Variants in CACNA1E observed in about 807,000 individuals in gnomAD.
The protein encoded by CACNA1E is calcium voltage-gated channel subunit alpha1 E.
CACNA1E carries 40 observed loss-of-function variants against 259.2 expected under a neutral mutation model. The observed-to-expected ratio is 0.15, with a 90% CI of 0.12 to 0.20. CACNA1E has a LOEUF of 0.20. CACNA1E is among the 10% of genes least tolerant of loss of function. The pLI, the probability that CACNA1E is intolerant of heterozygous loss-of-function variation, is 1.00. For missense variants in CACNA1E, 1,874 were observed against 3,040.1 expected (o/e 0.62, Z 9.02); for synonymous variants, 1,104 against 1,138.5 (o/e 0.97, Z 0.61).
intron 3 of CACNA1E, among the ~76,000 whole-genome samples, chr1:181,530,935 G>A (rs1307582482): frequency 6.6e-6 from 1 of 152,196 alleles, no homozygotes; most frequent in East Asian, 1.9e-4. Flanking sequence ...CAGGCTTATG[G>A]TTTATGATCT....
At chr1:181,795,416 G>A (rs1661700301) in intron 46 of CACNA1E, among the ~76,000 whole-genome samples, 1 of 150,906 alleles carries the variant, frequency 6.6e-6, no homozygotes, top group South Asian at 2.1e-4. Context: ...CCTAAACAGT[G>A]CTACCTGGAG....
At chr1:181,416,710 TC>T (rs1658299791) in intron 2 of CACNA1E, among the ~76,000 whole-genome samples, 1 of 152,132 alleles carries the variant, frequency 6.6e-6, no homozygotes, top group South Asian at 2.1e-4. Flanking sequence ...AGCAATTTGC[TC>T]CTCACTATTG....
upstream of CACNA1E, among the ~76,000 whole-genome samples, chr1:181,480,059 T>C (rs1007586300): frequency 1.0e-3 from 159 of 152,260 alleles, no homozygotes; most frequent in Non-Finnish European, 1.3e-3. Context: ...GGCAGGTGGA[T>C]TGCTTGAGCC....
chr1:181,700,781 G>C (rs1318573793), intron 7 of CACNA1E, among the ~76,000 whole-genome samples: 1 of 152,192 alleles, frequency 6.6e-6, no homozygotes, highest in Non-Finnish European at 1.5e-5. Context: ...TCCCTGGAAA[G>C]GACAGCGAGT....
rs375018770 is a variant in CACNA1E, at chr1:181,733,455, G to A, written c.2967G>A (p.Val989=). 5.3e-4 allele frequency: 819 copies of A among 1,545,262 alleles called. 2 individuals carry two copies. The highest frequency in any genetic ancestry group is 3.8e-4 in the Non-Finnish European group (440 of 1,144,844). Residue 989 remains valine (V), a synonymous_variant, in exon 21 of 48, where the codon GTG becomes GTA. Coordinates refer to ENST00000367573, the MANE Select transcript of CACNA1E (RefSeq NM_001205293.3). ...TTCACAGGACCAACAGTCTGATGGT[G>A]TCCAGAGGCTCCGGGCTGGCAGGAG... ...QDLRRTNSLM[V]SRGSGLAGGL...
At chr1:181,387,525 A>C (rs6702540) in intron 1 of CACNA1E, among the ~76,000 whole-genome samples, 2 of 152,088 alleles carry the variant, frequency 1.3e-5, no homozygotes, top group Non-Finnish European at 2.9e-5. Context: ...AGCCAAAGGT[A>C]TATGAAGCTC....
intron 3 of CACNA1E, among the ~76,000 whole-genome samples, chr1:181,563,004 A>G (rs1290356344): frequency 1.3e-5 from 2 of 152,192 alleles, no homozygotes; most frequent in Non-Finnish European, 2.9e-5. Context: ...ATGGTATGGG[A>G]TGTGATATGA....
chr1:181,412,323 G>A (rs1425988724), intron 1 of CACNA1E, among the ~76,000 whole-genome samples: 3 of 152,222 alleles, frequency 2.0e-5, no homozygotes, highest in Admixed American at 2.0e-4. Flanking sequence ...TGTAATCCTA[G>A]CACTTTGGGA....
At chr1:181,456,765 C>T (rs1661485868) in intron 2 of CACNA1E, among the ~76,000 whole-genome samples, 2 of 152,204 alleles carry the variant, frequency 1.3e-5, no homozygotes, top group Non-Finnish European at 2.9e-5. Context: ...CCCTCTCTCT[C>T]TCACTCTGTC....
chr1:181,467,627 C>T (rs1662233945), intron 2 of CACNA1E, among the ~76,000 whole-genome samples: 1 of 152,038 alleles, frequency 6.6e-6, no homozygotes, highest in Non-Finnish European at 1.5e-5. Flanking sequence ...ATGAGACCAT[C>T]AGAAAAATAG....
chr1:181,500,637 A>G (rs1288406642), intron 1 of CACNA1E, among the ~76,000 whole-genome samples: 1 of 152,232 alleles, frequency 6.6e-6, no homozygotes, highest in Non-Finnish European at 1.5e-5. Context: ...ATAATAACTT[A>G]GAAAACATCT....
chr1:181,400,896 C>A (rs565832022), intron 1 of CACNA1E, among the ~76,000 whole-genome samples: 1 of 152,162 alleles, frequency 6.6e-6, no homozygotes, highest in Non-Finnish European at 1.5e-5. Context: ...CCTGCCTCTT[C>A]CCCTGCTCTC....
Position 181,393,258 on chromosome 1 carries a change from G to A in CACNA1E, c.-14-19875G>A, listed in dbSNP as rs145818504. ...GGAAAGTTGATAAACCTGTGCCTCA[G>A]TTTTCCTCATCTGTAAGATGGGGTT... On this transcript the variant is annotated intron_variant, in intron 1 of 11. Transcript: ENST00000524607. Among the ~76,000 whole-genome samples the A allele has an allele frequency of 4.2e-3, 645 of 152,286 alleles. 4 individuals are homozygous for A. Among genetic ancestry groups the A allele is most frequent in the African/African-American group, 0.015 (629 of 41,554 alleles).
intron 3 of CACNA1E, among the ~76,000 whole-genome samples, chr1:181,564,461 C>A (rs1409523948): frequency 6.6e-6 from 1 of 152,176 alleles, no homozygotes; most frequent in Non-Finnish European, 1.5e-5. Flanking sequence ...CTTCAGGATC[C>A]ATTTCTGATT....
intron 1 of CACNA1E, among the ~76,000 whole-genome samples, chr1:181,385,104 A>G (rs1434353593): frequency 1.3e-5 from 2 of 152,066 alleles, no homozygotes; most frequent in African/African-American, 2.4e-5. Context: ...GTCTCTGGGG[A>G]CAGGGTGAGT....
At chr1:181,492,453 G>A (rs1312403971) in intron 1 of CACNA1E, among the ~76,000 whole-genome samples, 1 of 152,212 alleles carries the variant, frequency 6.6e-6, no homozygotes, top group Non-Finnish European at 1.5e-5. Context: ...AGAGGAATTG[G>A]TATGTTGTTC....
chr1:181,457,319 G>A (rs746653184), intron 2 of CACNA1E, among the ~76,000 whole-genome samples: 3 of 152,194 alleles, frequency 2.0e-5, no homozygotes, highest in African/African-American at 4.8e-5. Flanking sequence ...TACCATCCCC[G>A]TGGGGGGTTA....
intron 5 of CACNA1E, 76 bp from the exon 6 acceptor site, chr1:181,580,519 A>T: frequency 7.0e-7 from 1 of 1,432,876 alleles, no homozygotes; most frequent in Non-Finnish European, 9.8e-7. Flanking sequence ...TTGCTTGCCT[A>T]TGGCTTCCTG....
At chr1:181,427,346 T>C (rs1659360455) in intron 2 of CACNA1E, among the ~76,000 whole-genome samples, 1 of 143,992 alleles carries the variant, frequency 6.9e-6, no homozygotes, top group Non-Finnish European at 1.5e-5. Context: ...CCATCTCAAT[T>C]CCACCGCCAT....
Sources: allele counts gnomAD v4.1 joint callset (sites outside exome capture counted in the v4.1 genomes callset), GRCh38; gene constraint gnomAD v4.1.1; transcripts MANE v1.5; gene names NCBI Gene and HGNC (gene_info 2026-07-23, HGNC 2026-07-21).